TM4SF4: variants seen among roughly 807,000 people sequenced by gnomAD.
The protein encoded by TM4SF4 is transmembrane 4 L six family member 4, also known as transmembrane 4 L6 family member 4.
TM4SF4 carries 24 observed loss-of-function variants against 24.1 expected under a neutral mutation model. The observed-to-expected ratio is 1.00, with a 90% CI of 0.72 to 1.40. The LOEUF is 1.40. Among genes scored for constraint, TM4SF4 ranks in the 40% most tolerant of loss-of-function variants. The pLI, the probability that TM4SF4 is intolerant of heterozygous loss-of-function variation, is 0.00. For missense variants in TM4SF4, 254 were observed against 254.2 expected (o/e 1.00, Z 0.01); for synonymous variants, 113 against 97.0 (o/e 1.17, Z -0.97).
At chr3:149,496,867 A>T (rs1011129296) in intron 3 of TM4SF4, among the ~76,000 whole-genome samples, 2 of 124,502 alleles carry the variant, frequency 1.6e-5, no homozygotes, top group African/African-American at 2.5e-5. Flanking sequence ...TGTTATATAG[A>T]TTAAAAAAAA....
intron 3 of TM4SF4, among the ~76,000 whole-genome samples, chr3:149,498,273 T>G (rs1734350078): frequency 6.6e-6 from 1 of 152,230 alleles, no homozygotes; most frequent in Non-Finnish European, 1.5e-5. Context: ...CTAACAATGA[T>G]AGCTAGGATA....
intron 3 of TM4SF4, 98 bp from the exon 4 acceptor site, chr3:149,498,624 G>A: frequency 9.3e-7 from 1 of 1,073,976 alleles, no homozygotes; most frequent in Non-Finnish European, 1.4e-6. Context: ...GTTTTGGGTG[G>A]AAAGTAGTGC....
chr3:149,484,843 C>T (rs1398392950), intron 2 of TM4SF4, among the ~76,000 whole-genome samples: 1 of 152,170 alleles, frequency 6.6e-6, no homozygotes, highest in Non-Finnish European at 1.5e-5. Context: ...TGAGCCACCA[C>T]GCTAGGCCTA....
At chr3:149,481,123 G>A (rs1426643468) in intron 2 of TM4SF4, among the ~76,000 whole-genome samples, 1 of 152,124 alleles carries the variant, frequency 6.6e-6, no homozygotes, top group Non-Finnish European at 1.5e-5. Flanking sequence ...GCCTCCCAAA[G>A]TGCTGGGATT....
chr3:149,483,959 T>C (rs1734075816), intron 2 of TM4SF4, among the ~76,000 whole-genome samples: 1 of 152,006 alleles, frequency 6.6e-6, no homozygotes, highest in Non-Finnish European at 1.5e-5. Flanking sequence ...TTTTGTAGCT[T>C]TTGTAGAGAT....
chr3:149,476,014 G>C, intron 2 of TM4SF4, 102 bp downstream of exon 2: 1 of 944,640 alleles, frequency 1.1e-6, no homozygotes, highest in Non-Finnish European at 1.7e-6. Context: ...CTCCAGCCAG[G>C]ACTCTGGGAG....
chr3:149,480,405 T>C (rs1406853155), intron 2 of TM4SF4, among the ~76,000 whole-genome samples: 1 of 152,210 alleles, frequency 6.6e-6, no homozygotes, highest in African/African-American at 2.4e-5. Flanking sequence ...GGTAGACTGA[T>C]GAGGATATGT....
chr3:149,501,283 C>A (rs10935763), intron 4 of TM4SF4, among the ~76,000 whole-genome samples: 45,695 of 152,026 alleles, frequency 0.3, 7,119 homozygotes, highest in Middle Eastern at 0.36. Flanking sequence ...CAGAGACTCA[C>A]AGAGGGTGAA....
In TM4SF4 at chr3:149,475,004, T is replaced by C; in HGVS notation, c.127T>C (p.Ser43Pro). Residue 43 changes from serine (S) to proline (P), a missense_variant, in exon 1 of 5, where the codon TCC (serine) becomes CCC (proline). Coordinates refer to ENST00000305354, the MANE Select transcript of TM4SF4 (RefSeq NM_004617.4). Reference sequence around the variant, plus strand: ...AGTGATAGATGACAACGACCACCTTTCCCAAGAGATCTGGTTTTTCGGAGG... The same window carrying C: ...AGTGATAGATGACAACGACCACCTTCCCCAAGAGATCTGGTTTTTCGGAGG... ...GKVIDDNDHL[S>P]QEIWFFGGIL... 6.2e-7 allele frequency: 1 copy of C among 1,613,902 alleles called. No individual in the cohort carries two copies. Among genetic ancestry groups the C allele is most frequent in the Non-Finnish European group, 8.5e-7 (1 of 1,179,858 alleles).
chr3:149,502,274 T>C (rs921899985), intron 4 of TM4SF4, among the ~76,000 whole-genome samples: 1 of 152,198 alleles, frequency 6.6e-6, no homozygotes, highest in African/African-American at 2.4e-5. Context: ...TTGTATACAA[T>C]GTATTCTCCT....
chr3:149,482,675 C>A (rs1416662313), intron 2 of TM4SF4, among the ~76,000 whole-genome samples: 1 of 152,180 alleles, frequency 6.6e-6, no homozygotes, highest in Non-Finnish European at 1.5e-5. Flanking sequence ...TCCTGAGTAG[C>A]TAGGACTACA....
In TM4SF4 at chr3:149,498,772, A is replaced by G. The variant is rs371716440; in HGVS notation, c.452A>G (p.Asn151Ser). 7.4e-6 allele frequency: 12 copies of G among 1,613,884 alleles called. No homozygotes were observed. Among genetic ancestry groups the G allele is most frequent in the East Asian group, 4.5e-5 (2 of 44,890 alleles). Residue 151 changes from asparagine to serine, a missense_variant, in exon 4 of 5, where the codon AAT (asparagine) becomes AGT (serine). Asn to Ser is a conservative substitution (Grantham distance 46, BLOSUM62 1). Transcript: ENST00000305354. ...TGGAACAAGTGCCGAGAGCCTCTCA[A>G]TGTGGTTCCCTGGAATCTGACCCTC... ...ALWNKCREPL[N>S]VVPWNLTLFS...
chr3:149,498,104 A>T (rs1238805276), intron 3 of TM4SF4, among the ~76,000 whole-genome samples: 1 of 152,222 alleles, frequency 6.6e-6, no homozygotes, highest in Non-Finnish European at 1.5e-5. Context: ...AGAGATTCCT[A>T]CATGTTAACA....
rs150695602 is a variant in TM4SF4, at chr3:149,498,948, G to A, written c.591+37G>A. On this transcript the variant is annotated intron_variant, in intron 4 of 4. Coordinates refer to ENST00000305354, the MANE Select transcript of TM4SF4 (RefSeq NM_004617.4). ...CTTTTGCTGTTTCTTCTCAGCATGA[G>A]GGAGGCCAGGTCAGGCCACTAGCAT... 9.9e-5 allele frequency: 159 copies of A among 1,608,820 alleles called. 2 individuals carry two copies. In the East Asian group the frequency reaches 3.3e-3, roughly 33 times the overall value.
In TM4SF4 at chr3:149,475,841, G is replaced by T; in HGVS notation, c.193G>T (p.Val65Leu). Residue 65 changes from valine to leucine, a missense_variant, in exon 2 of 5, where the codon GTG (valine) becomes TTG (leucine). By Grantham distance (32) the Val-to-Leu change is conservative. Coordinates refer to ENST00000305354, the MANE Select transcript of TM4SF4 (RefSeq NM_004617.4). Reference sequence around the variant, plus strand: ...CTGGTAGATGATCTTCCCTGCGCTGGTGTTCTTGGGCCTGAAGAACAATGA... The same window carrying T: ...CTGGTAGATGATCTTCCCTGCGCTGTTGTTCTTGGGCCTGAAGAACAATGA... ...SGVLMIFPAL[V>L]FLGLKNNDCC... 6.2e-7 allele frequency: 1 copy of T among 1,612,398 alleles called. No homozygotes were observed. Among genetic ancestry groups the T allele is most frequent in the South Asian group, 1.1e-5 (1 of 90,538 alleles).
rs560474310 is a variant in TM4SF4 at position 149,475,213 on chromosome 3, A to G, written c.174+162A>G. The stretch of plus-strand genomic sequence containing the variant: ...CCTTAATTTTTTTCTCGTTTCTGTT[A>G]GGATCTGACAAGGACACGTCAGCTA... On this transcript the variant is annotated intron_variant, in intron 1 of 4. Coordinates refer to ENST00000305354, the MANE Select transcript of TM4SF4 (RefSeq NM_004617.4). Among the ~76,000 whole-genome samples, 3 of 152,308 alleles carry G rather than the reference A, an allele frequency of 2.0e-5. No individual in the cohort carries two copies. The East Asian group carries it at 5.8e-4, about 29-fold the overall frequency.
In TM4SF4 at chr3:149,494,563, G is replaced by T. The variant is rs549418424; in HGVS notation, c.402-4159G>T. ...TAAATGGAAAAATGCAGAACAGAAA[G>T]ATGGGTGTTTCATGTTGGAAAAAAA... On this transcript the variant is annotated intron_variant, in intron 3 of 4. Transcript: ENST00000305354. The T allele has an allele frequency of 7.7e-4, 114 of 147,490 alleles. 1 individual carries two copies. Among genetic ancestry groups the T allele is most frequent in the African/African-American group, 2.7e-3 (113 of 41,240 alleles). 9.1% of individuals were successfully genotyped at this position (147,490 alleles called of 1,614,324 possible).
At chr3:149,497,981 A>G (rs1430286470) in intron 3 of TM4SF4, among the ~76,000 whole-genome samples, 3 of 152,220 alleles carry the variant, frequency 2.0e-5, no homozygotes, top group Non-Finnish European at 4.4e-5. Flanking sequence ...TCTTTATATA[A>G]TAAAATATAA....
intron 4 of TM4SF4, among the ~76,000 whole-genome samples, chr3:149,500,720 A>G (rs1734402407): frequency 6.6e-6 from 1 of 152,182 alleles, no homozygotes; most frequent in African/African-American, 2.4e-5. Flanking sequence ...AAATATGATT[A>G]CTTTGGCTGG....
Sources: gnomAD v4.1 joint callset for allele counts (sites outside exome capture counted in the v4.1 genomes callset) on GRCh38, gnomAD v4.1.1 for gene constraint, MANE v1.5 for transcripts, NCBI Gene and HGNC (gene_info 2026-07-23, HGNC 2026-07-21) for gene names.